The following DEUP1 variants were observed in gnomAD, a reference collection of about 807,000 sequenced individuals.
The protein encoded by DEUP1 is coiled-coil domain containing 67.
A neutral mutation model predicts 87.4 loss-of-function variants in DEUP1; 82 were observed. The ratio of observed to expected loss-of-function variants is 0.94; its 90% confidence interval spans 0.78 to 1.13. The LOEUF is 1.13. DEUP1 is among the 50% of genes most tolerant of loss of function. DEUP1 has a pLI of 0.00. For missense variants in DEUP1, 663 were observed against 681.5 expected (o/e 0.97, Z 0.30); for synonymous variants, 214 against 222.7 (o/e 0.96, Z 0.35).
intron 7 of DEUP1, among the ~76,000 whole-genome samples, chr11:93,384,334 G>A (rs574058877): frequency 2.6e-5 from 4 of 152,194 alleles, no homozygotes; most frequent in Non-Finnish European, 5.9e-5. Context: ...GAGATAGCCA[G>A]TCTCTTAATA....
rs141427031 is a variant in DEUP1 at position 93,358,862 on chromosome 11, C to T, written c.297+1819C>T. Among the ~76,000 whole-genome samples, 1,375 of 152,242 alleles carry T rather than the reference C, an allele frequency of 9.0e-3. 19 individuals carry two copies. The highest frequency in any genetic ancestry group is 0.032 in the African/African-American group (1,323 of 41,544). The stretch of plus-strand genomic sequence containing the variant: ...CCTCCCAAAGTGCTGGAATTACAGG[C>T]GTGAGACACCATGCCCAGCCTCTTC... On this transcript the variant is annotated intron_variant, in intron 4 of 13. Transcript: ENST00000298050.
intron 13 of DEUP1, among the ~76,000 whole-genome samples, chr11:93,427,012 G>GAAAAAAAAAAAAAAAA (rs1215051153): frequency 8.4e-5 from 1 of 11,844 alleles, no homozygotes; most frequent in Non-Finnish European, 1.3e-4. Flanking sequence ...AAAAAAAAAA[G>GAAAAAAAAAAAAAAAA]AAAAAAAAAA....
chr11:93,330,616 C>A, upstream of DEUP1: 1 of 152,626 alleles, frequency 6.6e-6, no homozygotes, highest in South Asian at 1.8e-4. Context: ...GGGAGAGGCC[C>A]AACTGCCTCG....
At chr11:93,356,260 A>G (rs984013517) in intron 3 of DEUP1, among the ~76,000 whole-genome samples, 1 of 143,110 alleles carries the variant, frequency 7.0e-6, no homozygotes, top group Non-Finnish European at 1.5e-5. Context: ...TTCTACCTTT[A>G]TTGACTTCTC....
At chr11:93,429,016 T>C (rs1175217921) in intron 13 of DEUP1, among the ~76,000 whole-genome samples, 1 of 152,220 alleles carries the variant, frequency 6.6e-6, no homozygotes, top group Non-Finnish European at 1.5e-5. Flanking sequence ...TTGGCCATTT[T>C]GATATCCATT....
chr11:93,371,897 G>A (rs1253756218), intron 7 of DEUP1, among the ~76,000 whole-genome samples: 1 of 151,038 alleles, frequency 6.6e-6, no homozygotes, highest in Non-Finnish European at 1.5e-5. Context: ...CATCAAAATT[G>A]GTCATTACCA....
At chr11:93,333,627 G>T (rs1339375381) in intron 2 of DEUP1, among the ~76,000 whole-genome samples, 2 of 152,204 alleles carry the variant, frequency 1.3e-5, no homozygotes, top group Non-Finnish European at 2.9e-5. Flanking sequence ...AGGAAGAATG[G>T]ATATTGCTGA....
intron 7 of DEUP1, among the ~76,000 whole-genome samples, chr11:93,378,253 T>C (rs1410447884): frequency 6.6e-6 from 1 of 152,158 alleles, no homozygotes; most frequent in African/African-American, 2.4e-5. Context: ...TATTCTCAGG[T>C]TTGGTTGCTT....
At chr11:93,384,533 C>G (rs909120066) in intron 7 of DEUP1, among the ~76,000 whole-genome samples, 2 of 152,194 alleles carry the variant, frequency 1.3e-5, no homozygotes, top group Admixed American at 1.3e-4. Context: ...TTGCCAACAA[C>G]TGCTAACCTA....
chr11:93,340,197 T>G (rs943906012), intron 2 of DEUP1, among the ~76,000 whole-genome samples: 1 of 151,920 alleles, frequency 6.6e-6, no homozygotes, highest in Non-Finnish European at 1.5e-5. Flanking sequence ...GTAAGCAGAT[T>G]ATGAGAATAG....
chr11:93,427,930 T>C (rs1256694707), intron 13 of DEUP1, among the ~76,000 whole-genome samples: 2 of 148,488 alleles, frequency 1.3e-5, no homozygotes, highest in African/African-American at 5.0e-5. Flanking sequence ...TGAGATACCA[T>C]CTCATGCCAG....
intron 2 of DEUP1, among the ~76,000 whole-genome samples, chr11:93,345,622 CT>C (rs1944310623): frequency 6.6e-6 from 1 of 152,010 alleles, no homozygotes; most frequent in South Asian, 2.1e-4. Context: ...AATGTTGAGC[CT>C]TTTTTCATAT....
chr11:93,369,051 C>T (rs1945570127), intron 5 of DEUP1, among the ~76,000 whole-genome samples: 1 of 152,258 alleles, frequency 6.6e-6, no homozygotes, highest in South Asian at 2.1e-4. Context: ...GACACAGAGC[C>T]AAACCATATC....
At chr11:93,404,864 T>G (rs962902645) in intron 11 of DEUP1, among the ~76,000 whole-genome samples, 2 of 151,984 alleles carry the variant, frequency 1.3e-5, no homozygotes, top group African/African-American at 4.8e-5. Context: ...AAGAAAAATA[T>G]TAAATTAAAT....
intron 11 of DEUP1, among the ~76,000 whole-genome samples, chr11:93,407,382 T>A (rs1219827679): frequency 1.3e-5 from 2 of 152,202 alleles, no homozygotes; most frequent in Non-Finnish European, 2.9e-5. Context: ...CATCTAGGTT[T>A]GTGTAGACAC....
intron 4 of DEUP1, 24 bp from the exon 5 acceptor site, chr11:93,364,136 G>C (rs773654574): frequency 3.3e-6 from 5 of 1,500,960 alleles, no homozygotes; most frequent in Non-Finnish European, 2.7e-6. Context: ...ATAGTAAAAT[G>C]TTAACATTTT....
chr11:93,385,429 GT>G lies in DEUP1; in HGVS notation c.822del (p.Ser274ArgfsTer10), dbSNP rs773348940. ...AMEAGLSEVK[S>X]ELQSRDDLLR... Reference sequence around the variant, plus strand: ...GAAGCAGGTCTCTCAGAGGTAAAAAGTGAGTTACAGTCACGTGATGATCTCT... The same window carrying G: ...GAAGCAGGTCTCTCAGAGGTAAAAAGGAGTTACAGTCACGTGATGATCTCT... On this transcript the variant is annotated frameshift_variant, in exon 8 of 14. Transcript: ENST00000298050. LOFTEE classifies it high-confidence loss of function. The G allele has an allele frequency of 3.7e-6, 6 of 1,612,772 alleles. No homozygotes were observed. In the Admixed American group the frequency reaches 1.0e-4, roughly 27 times the overall value.
rs1946497737 is a variant in DEUP1 at position 93,385,508 on chromosome 11, A to C, written c.900A>C (p.Ile300=). 2 of 1,609,904 alleles carry C rather than the reference A, an allele frequency of 1.2e-6. No homozygotes were observed. Among genetic ancestry groups the C allele is most frequent in the Middle Eastern group, 1.7e-4 (1 of 5,914 alleles). The change falls in exon 8 of 14, where the codon ATA becomes ATC. Residue 300 remains isoleucine (I), a synonymous_variant. Transcript: ENST00000298050. ...RLQLHRELLK[I]GECQNAQGNK... ...AATTACACAGAGAATTATTAAAAAT[A>C]GGAGAGTGCCAAAATGCTCAAGGAA...
intron 2 of DEUP1, among the ~76,000 whole-genome samples, chr11:93,333,412 T>C (rs1359318763): frequency 6.6e-6 from 1 of 152,058 alleles, no homozygotes. Flanking sequence ...GCTCCTTCCA[T>C]AGGGAAGGAG....
Sources: allele counts gnomAD v4.1 joint callset (sites outside exome capture counted in the v4.1 genomes callset), GRCh38; gene constraint gnomAD v4.1.1; transcripts MANE v1.5; gene names NCBI Gene and HGNC (gene_info 2026-07-23, HGNC 2026-07-21).